Variants in SYT14 observed in about 807,000 individuals in gnomAD.
The protein encoded by SYT14 is synaptotagmin-14.
A neutral mutation model predicts 74.2 loss-of-function variants in SYT14; 32 were observed. The observed-to-expected ratio is 0.43, with a 90% CI of 0.33 to 0.58. The LOEUF (loss-of-function observed/expected upper bound fraction) is 0.58, where lower values mean the gene tolerates loss of function less well. Among genes scored for constraint, SYT14 ranks in the 20% least tolerant of loss-of-function variants. The pLI is 0.05. For synonymous variants in SYT14, 298 were observed against 337.7 expected (o/e 0.88, Z 1.29); for missense variants, 791 against 981.8 (o/e 0.81, Z 2.60).
intron 7 of SYT14, among the ~76,000 whole-genome samples, chr1:210,110,939 T>C (rs1486947315): frequency 2.6e-5 from 4 of 152,166 alleles, no homozygotes; most frequent in African/African-American, 9.7e-5. Flanking sequence ...AGATGGGGTT[T>C]CTCCATGTTG....
At chr1:210,100,545 A>C (rs1351691588) in intron 7 of SYT14, 84 bp downstream of exon 6, 13 of 1,368,640 alleles carry the variant, frequency 9.5e-6, no homozygotes, top group Non-Finnish European at 1.3e-5. Context: ...TAATCAAGCC[A>C]ACAAGTTTGT....
At chr1:210,050,098 G>T (rs573088154) in intron 5 of SYT14, among the ~76,000 whole-genome samples, 2 of 152,294 alleles carry the variant, frequency 1.3e-5, no homozygotes, top group African/African-American at 2.4e-5. Context: ...TTGTCAGGCT[G>T]CAAATTTTCC....
chr1:210,137,676 A>G (rs1168364667), intron 7 of SYT14, among the ~76,000 whole-genome samples: 9 of 143,648 alleles, frequency 6.3e-5, no homozygotes, highest in Non-Finnish European at 3.0e-5. Context: ...GTTTGCTTCA[A>G]ATTTCTTTTT....
In SYT14 at chr1:210,127,741, C is replaced by A. The variant is rs150171839; in HGVS notation, c.2034+27280C>A. Reference sequence around the variant, plus strand: ...TATTTTATTTTTAAAATTGGATGATCAGGGCAGGGCACAGTGGCTCACTCC... The same window carrying A: ...TATTTTATTTTTAAAATTGGATGATAAGGGCAGGGCACAGTGGCTCACTCC... On this transcript the variant is annotated intron_variant, in intron 7 of 9. Coordinates refer to ENST00000637265, the Ensembl canonical transcript of SYT14. Among the ~76,000 whole-genome samples, 740 of 152,184 alleles carry A rather than the reference C, an allele frequency of 4.9e-3. 5 individuals carry two copies. The highest frequency in any genetic ancestry group is 8.7e-3 in the South Asian group (42 of 4,816).
chr1:210,097,854 A>G (rs912612819), intron 6 of SYT14, among the ~76,000 whole-genome samples: 15 of 152,008 alleles, frequency 9.9e-5, no homozygotes, highest in East Asian at 1.9e-4. Context: ...TCCTGCATAC[A>G]TTATACCAAC....
intron 2 of SYT14, among the ~76,000 whole-genome samples, chr1:209,968,745 T>G (rs548744347): frequency 2.6e-5 from 4 of 151,788 alleles, no homozygotes; most frequent in African/African-American, 9.7e-5. Context: ...TTTTTAATAA[T>G]TTAAACATTT....
At chr1:210,157,301 G>C (rs575016715) in intron 8 of SYT14, among the ~76,000 whole-genome samples, 4 of 151,652 alleles carry the variant, frequency 2.6e-5, no homozygotes, top group East Asian at 3.9e-4. Flanking sequence ...AATTAGTCAG[G>C]CATGGTGGCT....
At chr1:210,116,535 T>TG (rs112457144) in intron 7 of SYT14, among the ~76,000 whole-genome samples, 30 of 152,032 alleles carry the variant, frequency 2.0e-4, no homozygotes, top group African/African-American at 7.0e-4. Flanking sequence ...TTGGTAGAGG[T>TG]GGGGTTTCAC....
At chr1:210,042,336 G>A (rs2080806662) in intron 5 of SYT14, among the ~76,000 whole-genome samples, 1 of 152,148 alleles carries the variant, frequency 6.6e-6, no homozygotes, top group Non-Finnish European at 1.5e-5. Flanking sequence ...ATAAGTGGAA[G>A]TTTCTTTTGC....
intron 7 of SYT14, among the ~76,000 whole-genome samples, chr1:210,108,864 T>G (rs951937250): frequency 6.6e-6 from 1 of 151,862 alleles, no homozygotes; most frequent in East Asian, 1.9e-4. Flanking sequence ...AAGCAAGAAG[T>G]GTTGAAGGAT....
chr1:210,033,566 G>A (rs1327669564), intron 5 of SYT14, among the ~76,000 whole-genome samples: 1 of 151,606 alleles, frequency 6.6e-6, no homozygotes, highest in Non-Finnish European at 1.5e-5. Context: ...TGCTTGATAT[G>A]TACTCATAAG....
intron 7 of SYT14, among the ~76,000 whole-genome samples, chr1:210,135,922 C>G (rs990528631): frequency 1.3e-5 from 2 of 152,184 alleles, no homozygotes; most frequent in African/African-American, 4.8e-5. Context: ...GAATTATTCT[C>G]AGGCCTATGT....
At chr1:210,100,292 A>T (rs745756534) in exon 7 of SYT14, 36 of 1,613,994 alleles carry the variant, frequency 2.2e-5, no homozygotes, top group Non-Finnish European at 3.0e-5. Flanking sequence ...AAATTTAATC[A>T]TGTTGAATCT....
intron 2 of SYT14, among the ~76,000 whole-genome samples, chr1:209,981,689 C>T (rs1316427973): frequency 6.6e-6 from 1 of 152,064 alleles, no homozygotes; most frequent in East Asian, 1.9e-4. Flanking sequence ...CTCCTGGACT[C>T]AAGCAGTCCT....
chr1:210,064,634 A>G (rs187313135), intron 5 of SYT14, among the ~76,000 whole-genome samples: 38 of 152,144 alleles, frequency 2.5e-4, no homozygotes, highest in Admixed American at 7.9e-4. Context: ...TGCTGTATGT[A>G]TATACCACAT....
intron 9 of SYT14, among the ~76,000 whole-genome samples, 184 bp downstream of exon 8, chr1:210,159,661 G>A (rs1260706088): frequency 6.6e-6 from 1 of 152,098 alleles, no homozygotes; most frequent in Non-Finnish European, 1.5e-5. Flanking sequence ...GGTATTCAGA[G>A]CATATATGAA....
rs558650521 is a variant in SYT14, at chr1:210,010,090, T to G, written c.-485-3543T>G. The stretch of plus-strand genomic sequence containing the variant: ...CTACTTAGTTTAAGAACTGAAGATA[T>G]TTTACCACTATTGACTTGCTACCAT... On this transcript the variant is annotated intron_variant, in intron 2 of 9. Transcript: ENST00000637265. Among the ~76,000 whole-genome samples the G allele has an allele frequency of 1.1e-4, 16 of 152,302 alleles. No homozygotes were observed. The South Asian group carries it at 3.1e-3, about 30-fold the overall frequency.
chr1:210,067,200 C>T (rs1203828578), intron 5 of SYT14, among the ~76,000 whole-genome samples: 3 of 151,998 alleles, frequency 2.0e-5, no homozygotes, highest in Non-Finnish European at 4.4e-5. Context: ...ATTACAGTTG[C>T]TTTTACTAAG....
chr1:210,099,637 T>C (rs2082025472), intron 6 of SYT14, among the ~76,000 whole-genome samples: 1 of 152,196 alleles, frequency 6.6e-6, no homozygotes, highest in African/African-American at 2.4e-5. Flanking sequence ...GATACTGTGC[T>C]GTCAATGGCA....
Sources: allele counts gnomAD v4.1 joint callset (sites outside exome capture counted in the v4.1 genomes callset), GRCh38; gene constraint gnomAD v4.1.1; transcripts MANE v1.5; gene names NCBI Gene and HGNC (gene_info 2026-07-23, HGNC 2026-07-21).